Variants in LYST observed in about 807,000 individuals in gnomAD.
LYST encodes the protein lysosomal-trafficking regulator.
A neutral mutation model predicts 413.6 loss-of-function variants in LYST; 192 were observed. That is an observed-to-expected ratio of 0.46 (90% CI 0.41 to 0.52). The LOEUF is 0.52. Among genes scored for constraint, LYST ranks in the 20% least tolerant of loss-of-function variants. LYST has a pLI of 0.00. For missense variants in LYST, 3,815 were observed against 4,499.9 expected, an observed-to-expected ratio of 0.85 and a Z score of 4.35; for synonymous variants, 1,525 against 1,567.3, an observed-to-expected ratio of 0.97 and a Z score of 0.64.
chr1:235,716,352 G>T (rs1662835459), intron 41 of LYST, among the ~76,000 whole-genome samples: 1 of 151,990 alleles, frequency 6.6e-6, no homozygotes, highest in African/African-American at 2.4e-5. Context: ...ATGGTTATGG[G>T]TACATTATAA....
At chr1:235,663,126 T>C in intron 52 of LYST, 48 bp from the exon 53 acceptor site, 2 of 1,301,624 alleles carry the variant, frequency 1.5e-6, no homozygotes, top group Admixed American at 1.7e-5. Flanking sequence ...TTCTTAAAAG[T>C]GTATTAGCAT....
At chr1:235,760,532 A>T (rs1667483604) in intron 22 of LYST, among the ~76,000 whole-genome samples, 1 of 152,328 alleles carries the variant, frequency 6.6e-6, no homozygotes, top group African/African-American at 2.4e-5. Flanking sequence ...ATACAAGTGC[A>T]TGCCATTCAA....
At chr1:235,717,772 A>C (rs1393599320) in intron 40 of LYST, among the ~76,000 whole-genome samples, 1 of 152,130 alleles carries the variant, frequency 6.6e-6, no homozygotes, top group Admixed American at 6.5e-5. Flanking sequence ...TAAATGCACT[A>C]ATTTTGTCTT....
chr1:235,687,194 T>C, intron 47 of LYST, 147 bp from the exon 48 acceptor site: 1 of 659,534 alleles, frequency 1.5e-6, no homozygotes, highest in Non-Finnish European at 2.7e-6. Context: ...TAAACATTTC[T>C]TGAAACAGAA....
intron 1 of LYST, among the ~76,000 whole-genome samples, chr1:235,853,265 C>T (rs760817250): frequency 1.3e-5 from 2 of 152,154 alleles, no homozygotes; most frequent in African/African-American, 2.4e-5. Flanking sequence ...ACACCTTCAG[C>T]TCTAAAGAGC....
At chr1:235,778,435 C>T (rs549678601) in intron 16 of LYST, among the ~76,000 whole-genome samples, 21 of 151,962 alleles carry the variant, frequency 1.4e-4, no homozygotes, top group African/African-American at 4.4e-4. Flanking sequence ...AGTACAGTGG[C>T]GTGATCTCAG....
At chr1:235,696,800 GC>G (rs1661141393) in intron 46 of LYST, among the ~76,000 whole-genome samples, 1 of 152,196 alleles carries the variant, frequency 6.6e-6, no homozygotes, top group African/African-American at 2.4e-5. Flanking sequence ...GGGCTCAACA[GC>G]CTCAAAGTGT....
chr1:235,874,220 A>C (rs1028162861), intron 1 of LYST, among the ~76,000 whole-genome samples: 1 of 152,240 alleles, frequency 6.6e-6, no homozygotes, highest in Non-Finnish European at 1.5e-5. Flanking sequence ...ACCTAGTCCC[A>C]CACACAGAAT....
rs1357665840 is a variant in LYST at position 235,739,127 on chromosome 1, AGGT to A, written c.8358+2292_8358+2294del. On this transcript the variant is annotated intron_variant, in intron 31 of 52. Transcript: ENST00000389793. Reference sequence around the variant, plus strand: ...GGATTGGGAAAAACATCAATTCCTAAGGTTAGAAATAGGAATGGTTTGTAAAAT... The same window carrying A: ...GGATTGGGAAAAACATCAATTCCTAATAGAAATAGGAATGGTTTGTAAAAT... 6.6e-5 allele frequency: 33 copies of A among 499,764 alleles called. No homozygotes were observed. In the East Asian group the frequency reaches 1.8e-3, roughly 27 times the overall value. 31.0% of individuals were successfully genotyped at this position (499,764 alleles called of 1,614,324 possible). A position where few individuals can be genotyped will look rare whatever the true frequency, so the allele number is the denominator to read the frequency against.
At position 235,720,651 on chromosome 1, in the gene LYST, T is replaced by G; in HGVS notation, c.9560+10A>C. On this transcript the variant is annotated intron_variant, in intron 40 of 52. Coordinates refer to ENST00000389793, the MANE Select transcript of LYST (RefSeq NM_000081.4). ...GATGAACCCTAAAGGTGATGATTCT[T>G]TTAACTTACCTGTATATCAACAGAT... 6.2e-7 allele frequency: 1 copy of G among 1,613,424 alleles called. No homozygotes were observed. Among genetic ancestry groups the G allele is most frequent in the Non-Finnish European group, 8.5e-7 (1 of 1,179,452 alleles).
At chr1:235,675,737 C>T (rs1449465447) in intron 50 of LYST, among the ~76,000 whole-genome samples, 1 of 152,146 alleles carries the variant, frequency 6.6e-6, no homozygotes, top group Non-Finnish European at 1.5e-5. Flanking sequence ...TAGTGTTTTA[C>T]TGAGTTCTGT....
intron 45 of LYST, among the ~76,000 whole-genome samples, chr1:235,698,798 G>A (rs1209056163): frequency 1.3e-5 from 2 of 151,986 alleles, no homozygotes; most frequent in Non-Finnish European, 2.9e-5. Flanking sequence ...GCATGAACCT[G>A]GGAGGCAGAG....
In LYST at chr1:235,766,400, A is replaced by G. The variant is rs1572192099; in HGVS notation, c.5923-123T>C. 6.1e-6 allele frequency: 4 copies of G among 657,582 alleles called. No individual in the cohort carries two copies. In the South Asian group the frequency reaches 7.9e-5, roughly 13 times the overall value. The allele number at this position is 657,582 out of a possible 1,614,324, so 40.7% of individuals were successfully genotyped here. On this transcript the variant is annotated intron_variant, in intron 20 of 52. Coordinates refer to ENST00000389793, the MANE Select transcript of LYST (RefSeq NM_000081.4). ...GTTGGTTTACTACTCTAGTCTGATC[A>G]TACTTACCATTACCATAACAACTCA...
intron 16 of LYST, among the ~76,000 whole-genome samples, chr1:235,779,153 C>T (rs943139413): frequency 3.3e-5 from 5 of 152,174 alleles, no homozygotes; most frequent in Admixed American, 1.3e-4. Flanking sequence ...AGGCATGAGC[C>T]ACCGTGCCTG....
At chr1:235,839,870 T>C (rs1044700409) in intron 1 of LYST, 1 of 151,896 alleles carries the variant, frequency 6.6e-6, no homozygotes, top group African/African-American at 2.4e-5. Context: ...ATAAAATAAA[T>C]CATCAGTTCA....
chr1:235,694,821 A>G (rs1403716136), intron 46 of LYST, among the ~76,000 whole-genome samples: 1 of 152,076 alleles, frequency 6.6e-6, no homozygotes, highest in Non-Finnish European at 1.5e-5. Context: ...TTCCAGTACC[A>G]CAAGAGGCAT....
chr1:235,755,516 G>A lies in LYST; in HGVS notation c.7191C>T (p.Ile2397=), dbSNP rs775318508. The A allele has an allele frequency of 4.3e-6, 7 of 1,613,638 alleles. No homozygotes were observed. Among genetic ancestry groups the A allele is most frequent in the African/African-American group, 2.7e-5 (2 of 74,902 alleles). Residue 2397 remains isoleucine, a synonymous_variant, in exon 25 of 53, where the codon ATC becomes ATT. Transcript: ENST00000389793. ...CAATATGTCGACCAAAGAACATTTC[G>A]ATGAAGCATTCTAACAATTCTTGAG... is the stretch of plus-strand genomic sequence containing the variant. ...RGTQELLECF[I]EMFFGRHIGL...
At chr1:235,792,221 C>T (rs1266622241) in intron 11 of LYST, 96 bp from the exon 12 acceptor site, 2 of 766,180 alleles carry the variant, frequency 2.6e-6, no homozygotes, top group Non-Finnish European at 4.4e-6. Flanking sequence ...ACAAACATAC[C>T]CACACATATC....
intron 50 of LYST, among the ~76,000 whole-genome samples, chr1:235,670,068 C>G (rs915088930): frequency 2.6e-5 from 4 of 152,198 alleles, no homozygotes; most frequent in African/African-American, 9.6e-5. Flanking sequence ...ACAGGCCCCA[C>G]CCCTTGCTTA....
Sources: allele counts gnomAD v4.1 joint callset (sites outside exome capture counted in the v4.1 genomes callset), GRCh38; gene constraint gnomAD v4.1.1; transcripts MANE v1.5; gene names NCBI Gene and HGNC (gene_info 2026-07-23, HGNC 2026-07-21).